PPP1R1C: variants seen among roughly 807,000 people sequenced by gnomAD.
The protein encoded by PPP1R1C is protein phosphatase 1 regulatory subunit 1C.
In PPP1R1C, 15 loss-of-function variants were observed where a neutral mutation model predicts 17.4. The ratio of observed to expected loss-of-function variants is 0.86; its 90% CI spans 0.58 to 1.33. PPP1R1C has a LOEUF of 1.33. PPP1R1C is among the 40% of genes most tolerant of loss of function. The pLI, the probability that PPP1R1C is intolerant of heterozygous loss-of-function variation, is 0.00. For missense variants in PPP1R1C, 143 were observed against 130.0 expected, an observed-to-expected ratio of 1.10 and a Z score of -0.48; for synonymous variants, 35 against 43.1, an observed-to-expected ratio of 0.81 and a Z score of 0.73.
At chr2:182,046,398 C>T (rs1169694747) in intron 2 of PPP1R1C, among the ~76,000 whole-genome samples, 1 of 152,034 alleles carries the variant, frequency 6.6e-6, no homozygotes, top group Non-Finnish European at 1.5e-5. Context: ...AGTTTTTATA[C>T]ATGAATGATA....
intron 1 of PPP1R1C, among the ~76,000 whole-genome samples, chr2:181,964,145 T>A (rs558146966): frequency 6.6e-6 from 1 of 152,338 alleles, no homozygotes; most frequent in Admixed American, 6.5e-5. Context: ...ACCATCATTC[T>A]GCTCTCTGTT....
rs554114562 is a variant in PPP1R1C, at chr2:182,126,954, G to A, written c.*7-2020G>A. ...TTCATCTTTGTTTTTAATTTCTTAC[G>A]CTATAAACATGACTTAACAGGGTTT... On this transcript the variant is annotated intron_variant, in intron 5 of 5. Coordinates refer to the PPP1R1C transcript ENST00000280295. Among the ~76,000 whole-genome samples the A allele has an allele frequency of 4.6e-4, 70 of 152,060 alleles. 1 individual carries two copies. The highest frequency in any genetic ancestry group is 1.4e-3 in the African/African-American group (58 of 41,518).
intron 4 of PPP1R1C, among the ~76,000 whole-genome samples, chr2:182,114,826 C>A (rs1473500359): frequency 2.0e-5 from 3 of 152,044 alleles, no homozygotes; most frequent in Non-Finnish European, 4.4e-5. Flanking sequence ...AAAGGTTTGG[C>A]TTTTTCGTAT....
chr2:181,959,079 A>G (rs866811483), intron 1 of PPP1R1C, among the ~76,000 whole-genome samples: 59 of 152,356 alleles, frequency 3.9e-4, no homozygotes, highest in African/African-American at 1.3e-3. Context: ...TGATTATAGC[A>G]TTTTAACTCC....
At chr2:181,995,535 G>T (rs1169865183) in intron 2 of PPP1R1C, among the ~76,000 whole-genome samples, 3 of 152,188 alleles carry the variant, frequency 2.0e-5, no homozygotes, top group Admixed American at 6.5e-5. Context: ...ATAGGTGTCT[G>T]CATAGTAATA....
At chr2:182,009,779 T>C (rs1279451905) in intron 2 of PPP1R1C, among the ~76,000 whole-genome samples, 1 of 152,104 alleles carries the variant, frequency 6.6e-6, no homozygotes, top group Non-Finnish European at 1.5e-5. Flanking sequence ...GTCTTTAATC[T>C]ATTTTGATTG....
At chr2:182,046,594 C>G (rs1410550648) in intron 2 of PPP1R1C, among the ~76,000 whole-genome samples, 6 of 151,404 alleles carry the variant, frequency 4.0e-5, no homozygotes, top group African/African-American at 1.5e-4. Context: ...CTAAAAGTAG[C>G]CTGACGTGGT....
At chr2:182,055,398 T>C (rs1270387613) in intron 2 of PPP1R1C, among the ~76,000 whole-genome samples, 1 of 152,192 alleles carries the variant, frequency 6.6e-6, no homozygotes, top group East Asian at 1.9e-4. Context: ...GGTAGCAAAA[T>C]CTATGATATT....
At chr2:182,028,451 G>T (rs1268660883) in intron 2 of PPP1R1C, among the ~76,000 whole-genome samples, 1 of 152,002 alleles carries the variant, frequency 6.6e-6, no homozygotes, top group African/African-American at 2.4e-5. Flanking sequence ...CTTTATTTCT[G>T]CCTTCATTTC....
chr2:182,039,897 A>ATACAC (rs777291179), intron 2 of PPP1R1C, among the ~76,000 whole-genome samples: 132 of 152,314 alleles, frequency 8.7e-4, no homozygotes, highest in Non-Finnish European at 1.4e-3. Flanking sequence ...AAATGAGAAC[A>ATACAC]TACAATATTA....
chr2:182,011,446 C>T lies in PPP1R1C; in HGVS notation c.142+23547C>T, dbSNP rs556189142. Among the ~76,000 whole-genome samples, 224 of 151,874 alleles carry T rather than the reference C, an allele frequency of 1.5e-3. 1 individual carries two copies. Among genetic ancestry groups the T allele is most frequent in the African/African-American group, 3.6e-3 (148 of 41,484 alleles). ...CTCTAATGATCCTTTGAATTTCTGC[C>T]ATATTGGTTATGAGGTCTCCATTTT... On this transcript the variant is annotated intron_variant, in intron 2 of 4. Coordinates refer to ENST00000682840, the MANE Select transcript of PPP1R1C (RefSeq NM_001080545.3).
At chr2:182,076,939 G>A (rs1688331067) in intron 4 of PPP1R1C, among the ~76,000 whole-genome samples, 1 of 152,068 alleles carries the variant, frequency 6.6e-6, no homozygotes, top group African/African-American at 2.4e-5. Flanking sequence ...CCTAAACTTT[G>A]TAAAAATAAT....
At chr2:182,022,545 C>T (rs1008660385) in intron 2 of PPP1R1C, among the ~76,000 whole-genome samples, 2 of 152,220 alleles carry the variant, frequency 1.3e-5, no homozygotes, top group African/African-American at 2.4e-5. Context: ...TCCATCCCCA[C>T]ACACATACGT....
intron 2 of PPP1R1C, among the ~76,000 whole-genome samples, chr2:182,029,885 C>T (rs1205867968): frequency 7.6e-5 from 2 of 26,246 alleles, no homozygotes; most frequent in Admixed American, 8.5e-4. Context: ...CACATAGTCC[C>T]ATATTTCTTG....
At chr2:181,970,116 G>A (rs190284035) in intron 1 of PPP1R1C, among the ~76,000 whole-genome samples, 93 of 151,460 alleles carry the variant, frequency 6.1e-4, no homozygotes, top group Admixed American at 2.6e-3. Flanking sequence ...TTGGTCCATG[G>A]TGTCTTGTGC....
chr2:182,111,645 A>G lies in PPP1R1C; in HGVS notation c.242-5562A>G, dbSNP rs550368447. ...AGCATTTTGAGAAATGTGAAATCTGAGAGATGGTGGACCTTTACTGAGGGG... is the reference window on the plus strand; with the variant it reads ...AGCATTTTGAGAAATGTGAAATCTGGGAGATGGTGGACCTTTACTGAGGGG... On this transcript the variant is annotated intron_variant, in intron 4 of 4. Transcript: ENST00000682840. 2.6e-5 allele frequency among the ~76,000 whole-genome samples: 4 copies of G among 152,116 alleles called. No homozygotes were observed. In the East Asian group the frequency reaches 7.7e-4, roughly 29 times the overall value.
intron 2 of PPP1R1C, among the ~76,000 whole-genome samples, chr2:181,975,601 A>T (rs547279884): frequency 5.3e-5 from 8 of 152,120 alleles, no homozygotes; most frequent in African/African-American, 1.9e-4. Context: ...TAGCTATTTA[A>T]CAGGAAGCTA....
chr2:182,024,844 G>A (rs541740152), intron 2 of PPP1R1C, among the ~76,000 whole-genome samples: 17 of 149,052 alleles, frequency 1.1e-4, no homozygotes, highest in Admixed American at 4.0e-4. Flanking sequence ...AACAAAGCAA[G>A]AATCTGTCTC....
intron 4 of PPP1R1C, among the ~76,000 whole-genome samples, chr2:182,084,571 G>T (rs1410379236): frequency 6.6e-6 from 1 of 151,926 alleles, no homozygotes; most frequent in Non-Finnish European, 1.5e-5. Context: ...AAGATCAGCT[G>T]GCTGTATTTG....
Sources: allele counts gnomAD v4.1 joint callset (sites outside exome capture counted in the v4.1 genomes callset), GRCh38; gene constraint gnomAD v4.1.1; transcripts MANE v1.5; gene names NCBI Gene and HGNC (gene_info 2026-07-23, HGNC 2026-07-21).